SHROOM3: variants seen among roughly 807,000 people sequenced by gnomAD.
The protein encoded by SHROOM3 is shroom family member 3.
In SHROOM3, 47 loss-of-function variants were observed where a neutral mutation model predicts 138.6. The observed-to-expected ratio is 0.34, with a 90% confidence interval of 0.27 to 0.43. The LOEUF (loss-of-function observed/expected upper bound fraction) is 0.43, where lower values mean the gene tolerates loss of function less well. SHROOM3 is among the 20% of genes least tolerant of loss of function. SHROOM3 has a pLI of 1.00. For synonymous variants in SHROOM3, 1,062 were observed against 1,063.3 expected (o/e 1.00, Z 0.02); for missense variants, 2,491 against 2,596.5 (o/e 0.96, Z 0.88).
chr4:76,600,328 A>AC (rs1734480961), intron 2 of SHROOM3, among the ~76,000 whole-genome samples: 1 of 119,488 alleles, frequency 8.4e-6, no homozygotes, highest in African/African-American at 2.8e-5. Context: ...TAGGTTATAT[A>AC]CATGGCTTGC....
intron 2 of SHROOM3, among the ~76,000 whole-genome samples, chr4:76,571,467 G>A (rs375204367): frequency 6.6e-6 from 1 of 152,168 alleles, no homozygotes. Context: ...GTTGATTCAC[G>A]TTCACTAAAT....
intron 2 of SHROOM3, among the ~76,000 whole-genome samples, chr4:76,622,162 C>T (rs563000558): frequency 3.9e-5 from 6 of 152,072 alleles, no homozygotes; most frequent in African/African-American, 4.8e-5. Context: ...GGAAATTGGA[C>T]GACTAGACCT....
chr4:76,747,959 T>C (rs1721497134), intron 5 of SHROOM3, among the ~76,000 whole-genome samples: 1 of 152,162 alleles, frequency 6.6e-6, no homozygotes, highest in Admixed American at 6.5e-5. Context: ...TGCAATTACA[T>C]ACCCTGCTTC....
In SHROOM3 at chr4:76,755,289, A is replaced by G; in HGVS notation, c.4709+97A>G. 2.1e-6 allele frequency: 3 copies of G among 1,413,306 alleles called. No homozygotes were observed. The Admixed American group carries it at 5.9e-5, about 28-fold the overall frequency. 87.5% of individuals were successfully genotyped at this position (1,413,306 alleles called of 1,614,324 possible). ...CTGCTGGCCACAGAAGAACCCTGGC[A>G]TGGAGATGTTTCTATACAGCTCAGC... On this transcript the variant is annotated intron_variant, in intron 7 of 10. Coordinates refer to ENST00000296043, the MANE Select transcript of SHROOM3 (RefSeq NM_020859.4).
intron 2 of SHROOM3, among the ~76,000 whole-genome samples, chr4:76,692,757 A>G (rs1719593434): frequency 6.6e-6 from 1 of 152,246 alleles, no homozygotes; most frequent in Admixed American, 6.5e-5. Flanking sequence ...CAGATACAAA[A>G]TAATAATAAG....
chr4:76,740,058 G>T lies in SHROOM3; in HGVS notation c.1885G>T (p.Asp629Tyr). ...CAGGCTCTCAGAGCCCTGGGAGGGC[G>T]ATTTCCAGGAAGACCACAATGCCAA... Reference protein sequence around the residue: ...SSRLSEPWEGDFQEDHNANLW... With the variant: ...SSRLSEPWEGYFQEDHNANLW... Residue 629 changes from aspartate to tyrosine, a missense_variant, in exon 5 of 11, where the codon GAT becomes TAT. This residue lies in a region of SHROOM3 where 1,733 missense variants were observed against 1,661.6 expected (regional missense o/e 1.04). Transcript: ENST00000296043. The surrounding 1 kb of genome is among the most constrained non-coding windows in gnomAD (Gnocchi z 4.0). 1.2e-6 allele frequency: 2 copies of T among 1,613,782 alleles called. No individual in the cohort carries two copies. Among genetic ancestry groups the T allele is most frequent in the Non-Finnish European group, 1.7e-6 (2 of 1,180,020 alleles).
chr4:76,610,972 C>T (rs966290133), intron 2 of SHROOM3, among the ~76,000 whole-genome samples: 10 of 152,252 alleles, frequency 6.6e-5, no homozygotes, highest in African/African-American at 2.4e-4. Flanking sequence ...ACAATCTCAA[C>T]CCATTTGTCC....
chr4:76,693,368 TTG>T (rs1719613981), intron 2 of SHROOM3, among the ~76,000 whole-genome samples: 2 of 131,644 alleles, frequency 1.5e-5, no homozygotes, highest in African/African-American at 6.3e-5. Context: ...TTTGATAAGT[TTG>T]TTTTTTTTTT....
intron 1 of SHROOM3, among the ~76,000 whole-genome samples, chr4:76,501,484 T>C (rs1038984829): frequency 2.6e-5 from 4 of 152,116 alleles, no homozygotes; most frequent in African/African-American, 9.7e-5. Context: ...TTAAAGTCCT[T>C]AGGAATTTTA....
chr4:76,686,300 G>A (rs562386059), intron 2 of SHROOM3, among the ~76,000 whole-genome samples: 3 of 151,948 alleles, frequency 2.0e-5, no homozygotes, highest in Non-Finnish European at 4.4e-5. Context: ...GCCCAGCCTC[G>A]TAGACTATTT....
rs180688269 is a variant in SHROOM3 at position 76,687,894 on chromosome 4, C to T, written c.324-22262C>T. Reference sequence around the variant, plus strand: ...CACCTGACCCAGAGCACTTAGAAAACAAGATAAAGCAGCAGCAGGAGAGGA... The same window carrying T: ...CACCTGACCCAGAGCACTTAGAAAATAAGATAAAGCAGCAGCAGGAGAGGA... On this transcript the variant is annotated intron_variant, in intron 2 of 10. Coordinates refer to ENST00000296043, the MANE Select transcript of SHROOM3 (RefSeq NM_020859.4). Among the ~76,000 whole-genome samples, 5 of 152,250 alleles carry T rather than the reference C, an allele frequency of 3.3e-5. No homozygotes were observed. The East Asian group carries it at 9.7e-4, about 29-fold the overall frequency.
chr4:76,588,427 C>A (rs1176246472), intron 2 of SHROOM3, among the ~76,000 whole-genome samples: 1 of 152,114 alleles, frequency 6.6e-6, no homozygotes, highest in Non-Finnish European at 1.5e-5. Flanking sequence ...TGGTGAGGGT[C>A]CCTACTGGTG....
In SHROOM3 at chr4:76,740,736, T is replaced by C. The variant is rs1213172661; in HGVS notation, c.2563T>C (p.Leu855=). ...EQHFKNGELK[L]EEASRQPCGQ... The stretch of plus-strand genomic sequence containing the variant: ...GCACTTCAAAAACGGGGAGCTGAAG[T>C]TGGAAGAGGCTTCCCGGCAGCCCTG... Residue 855 remains leucine (L), a synonymous_variant, in exon 5 of 11, where the codon TTG becomes CTG. Transcript: ENST00000296043. This position sits in a 1 kb window ranked among gnomAD's most constrained non-coding sequence, Gnocchi z 4.0. 1 of 1,613,238 alleles carries C rather than the reference T, an allele frequency of 6.2e-7. No homozygotes were observed. The highest frequency in any genetic ancestry group is 1.3e-5 in the African/African-American group (1 of 74,936).
intron 2 of SHROOM3, among the ~76,000 whole-genome samples, chr4:76,659,420 A>G (rs532265068): frequency 1.3e-5 from 2 of 152,280 alleles, no homozygotes; most frequent in East Asian, 3.9e-4. Context: ...ATAGTTTAAA[A>G]CATTACTTTT....
intron 2 of SHROOM3, among the ~76,000 whole-genome samples, chr4:76,702,800 G>A (rs969452638): frequency 2.6e-5 from 4 of 152,188 alleles, no homozygotes; most frequent in African/African-American, 9.7e-5. Flanking sequence ...AAAGGGCTCA[G>A]TGGGTAGAGG....
At position 76,741,325 on chromosome 4, in the gene SHROOM3, A is replaced by C. The variant is rs1357083013; in HGVS notation, c.3152A>C (p.Glu1051Ala). 1.9e-6 allele frequency: 3 copies of C among 1,611,694 alleles called. No individual in the cohort carries two copies. The South Asian group carries it at 3.3e-5, about 18-fold the overall frequency. ...GPQRNGMRFP[E>A]SSVADRRRLF... Reference sequence around the variant, plus strand: ...CAGAGAAATGGGATGCGTTTCCCGGAGAGCAGCGTGGCCGACCGGCGCCGT... The same window carrying C: ...CAGAGAAATGGGATGCGTTTCCCGGCGAGCAGCGTGGCCGACCGGCGCCGT... The change falls in exon 5 of 11, where the codon GAG becomes GCG. Residue 1051 changes from glutamate to alanine, a missense_variant. By Grantham distance (107) the Glu-to-Ala change is moderately radical. Transcript: ENST00000296043. This position sits in a 1 kb window ranked among gnomAD's most constrained non-coding sequence, Gnocchi z 6.2.
chr4:76,584,333 AAG>A (rs1439972548), intron 2 of SHROOM3, among the ~76,000 whole-genome samples: 5 of 152,056 alleles, frequency 3.3e-5, no homozygotes. Flanking sequence ...AAAAAAAAAA[AAG>A]AGTCACATAG....
intron 1 of SHROOM3, among the ~76,000 whole-genome samples, chr4:76,469,985 C>G (rs1423575476): frequency 6.6e-6 from 1 of 152,218 alleles, no homozygotes; most frequent in African/African-American, 2.4e-5. Context: ...TAAAGCTTCA[C>G]TCTTCATTGA....
At chr4:76,475,377 A>G (rs1363306790) in intron 1 of SHROOM3, among the ~76,000 whole-genome samples, 1 of 152,216 alleles carries the variant, frequency 6.6e-6, no homozygotes, top group Non-Finnish European at 1.5e-5. Context: ...AGGACTGTGA[A>G]GGATCTGAGA....
Sources: allele counts gnomAD v4.1 joint callset (sites outside exome capture counted in the v4.1 genomes callset), GRCh38; gene constraint gnomAD v4.1.1; regional missense constraint gnomAD v4.1.1; non-coding constraint Gnocchi (gnomAD v3.1); transcripts MANE v1.5; gene names NCBI Gene and HGNC (gene_info 2026-07-23, HGNC 2026-07-21).